KCNJ3: variants seen among roughly 807,000 people sequenced by gnomAD.
KCNJ3 encodes the protein G protein-activated inward rectifier potassium channel 1.
KCNJ3 carries 4 observed loss-of-function variants against 39.2 expected under a neutral mutation model. The ratio of observed to expected loss-of-function variants is 0.10; its 90% CI spans 0.05 to 0.23. The LOEUF (loss-of-function observed/expected upper bound fraction) is 0.23. KCNJ3 is among the 10% of genes least tolerant of loss of function. The pLI is 1.00. For missense variants in KCNJ3, 276 were observed against 634.9 expected (o/e 0.43, Z 6.08); for synonymous variants, 230 against 237.4 (o/e 0.97, Z 0.29).
chr2:154,834,378 T>C (rs563652346), intron 2 of KCNJ3, among the ~76,000 whole-genome samples: 1 of 152,260 alleles, frequency 6.6e-6, no homozygotes, highest in East Asian at 1.9e-4. Context: ...CCATATTTTA[T>C]TGAGGTATAG....
chr2:154,826,876 A>G (rs1687281513), intron 2 of KCNJ3, among the ~76,000 whole-genome samples: 1 of 152,184 alleles, frequency 6.6e-6, no homozygotes, highest in Non-Finnish European at 1.5e-5. Context: ...ATTTTAATGT[A>G]AAGCAGGTAC....
rs1488743699 is a variant in KCNJ3 at position 154,810,575 on chromosome 2, A to C, written c.920-44152A>C. ...CAGATCAGTTAATCAAAGTAGAAGA[A>C]TGAAAAATAAATTTGGCATTTAACT... On this transcript the variant is annotated intron_variant, in intron 2 of 2. Transcript: ENST00000295101. Among the ~76,000 whole-genome samples, 4 of 152,178 alleles carry C rather than the reference A, an allele frequency of 2.6e-5. No homozygotes were observed. The East Asian group carries it at 7.7e-4, about 29-fold the overall frequency.
chr2:154,717,513 G>A (rs560683519), intron 2 of KCNJ3, among the ~76,000 whole-genome samples: 1 of 152,242 alleles, frequency 6.6e-6, no homozygotes, highest in African/African-American at 2.4e-5. Flanking sequence ...ACCTGTGACT[G>A]TTTAAAATAA....
At chr2:154,725,948 C>G (rs1193164136) in intron 2 of KCNJ3, among the ~76,000 whole-genome samples, 1 of 152,126 alleles carries the variant, frequency 6.6e-6, no homozygotes, top group Non-Finnish European at 1.5e-5. Flanking sequence ...TCATCTTTTA[C>G]AAAAATCAAC....
At chr2:154,815,583 C>A (rs1687070899) in intron 2 of KCNJ3, among the ~76,000 whole-genome samples, 1 of 152,176 alleles carries the variant, frequency 6.6e-6, no homozygotes, top group Admixed American at 6.6e-5. Flanking sequence ...CAGTATAGAA[C>A]TTGTGTGTAC....
intron 2 of KCNJ3, among the ~76,000 whole-genome samples, chr2:154,803,957 AGTTGT>A (rs879272505): frequency 6.6e-6 from 1 of 152,100 alleles, no homozygotes; most frequent in African/African-American, 2.4e-5. Flanking sequence ...AAAATTTAAC[AGTTGT>A]GTTAGAGTAT....
intron 2 of KCNJ3, among the ~76,000 whole-genome samples, chr2:154,847,832 G>A (rs1383997296): frequency 2.6e-5 from 4 of 152,158 alleles, no homozygotes; most frequent in African/African-American, 4.8e-5. Context: ...AATTACTGGT[G>A]GAGCTGGGAT....
chr2:154,851,015 T>A (rs1045715936), intron 2 of KCNJ3, among the ~76,000 whole-genome samples: 9 of 152,072 alleles, frequency 5.9e-5, no homozygotes, highest in Admixed American at 5.2e-4. Context: ...TTTGGGAGGC[T>A]GAGGTGGGAG....
chr2:154,752,832 A>C (rs936138509), intron 2 of KCNJ3, among the ~76,000 whole-genome samples: 7 of 152,062 alleles, frequency 4.6e-5, no homozygotes, highest in Non-Finnish European at 2.9e-5. Context: ...GAAGTTATTC[A>C]TGATATGACT....
At chr2:154,740,896 C>T (rs1685642108) in intron 2 of KCNJ3, among the ~76,000 whole-genome samples, 1 of 151,876 alleles carries the variant, frequency 6.6e-6, no homozygotes, top group Non-Finnish European at 1.5e-5. Context: ...CAGTACCAAG[C>T]ACTTTAGTCA....
intron 2 of KCNJ3, among the ~76,000 whole-genome samples, chr2:154,797,907 C>T (rs1471123198): frequency 2.6e-5 from 4 of 152,070 alleles, no homozygotes; most frequent in African/African-American, 9.7e-5. Context: ...GTATTGTTAT[C>T]TGTGGGCACA....
At chr2:154,841,609 G>T (rs747836323) in intron 2 of KCNJ3, among the ~76,000 whole-genome samples, 4 of 152,002 alleles carry the variant, frequency 2.6e-5, no homozygotes, top group Non-Finnish European at 4.4e-5. Context: ...CAATTTCAGA[G>T]CCTGTTATTG....
At chr2:154,749,821 T>C (rs1445714200) in intron 2 of KCNJ3, among the ~76,000 whole-genome samples, 7 of 152,112 alleles carry the variant, frequency 4.6e-5, no homozygotes, top group African/African-American at 1.7e-4. Flanking sequence ...CAAGTTTTCC[T>C]CATGTCTTGG....
chr2:154,727,441 A>T (rs988607027), intron 2 of KCNJ3, among the ~76,000 whole-genome samples: 5 of 151,452 alleles, frequency 3.3e-5, no homozygotes, highest in African/African-American at 1.2e-4. Flanking sequence ...AAAAATACAA[A>T]ATCAACCAGG....
intron 2 of KCNJ3, among the ~76,000 whole-genome samples, chr2:154,735,102 T>TGTGTGTGTGTGTGTGTGTG (rs746877275): frequency 9.9e-5 from 15 of 151,754 alleles, no homozygotes; most frequent in African/African-American, 2.7e-4. Flanking sequence ...TGTGTGTGTG[T>TGTGTGTGTGTGTGTGTGTG]TTGAGACGGA....
intron 2 of KCNJ3, among the ~76,000 whole-genome samples, chr2:154,835,176 AG>A (rs200150111): frequency 0.012 from 1,884 of 152,118 alleles, 14 homozygotes; most frequent in Non-Finnish European, 0.018. Context: ...AAGTAGGCTC[AG>A]AAAAATCTTG....
chr2:154,783,658 G>T (rs1298491921), intron 2 of KCNJ3, among the ~76,000 whole-genome samples: 1 of 152,106 alleles, frequency 6.6e-6, no homozygotes, highest in Admixed American at 6.5e-5. Context: ...GAGAAACCAA[G>T]GCACAAAGAG....
intron 2 of KCNJ3, among the ~76,000 whole-genome samples, chr2:154,732,295 GTCA>G (rs1447935841): frequency 6.6e-6 from 1 of 152,018 alleles, no homozygotes; most frequent in East Asian, 1.9e-4. Context: ...ATGGGAATTT[GTCA>G]CTGTTTCCTA....
intron 2 of KCNJ3, among the ~76,000 whole-genome samples, chr2:154,836,456 CA>C (rs1481509321): frequency 6.6e-6 from 1 of 151,556 alleles, no homozygotes; most frequent in African/African-American, 2.4e-5. Flanking sequence ...AAATAAATTA[CA>C]TGTAAGGAAA....
Sources: gnomAD v4.1 joint callset for allele counts (sites outside exome capture counted in the v4.1 genomes callset) on GRCh38, gnomAD v4.1.1 for gene constraint, MANE v1.5 for transcripts, NCBI Gene and HGNC (gene_info 2026-07-23, HGNC 2026-07-21) for gene names.